GABBR2: variants seen among roughly 807,000 people sequenced by gnomAD.
GABBR2 encodes the protein G-protein coupled receptor 51.
Under a neutral mutation model 105.6 loss-of-function variants are expected in GABBR2, and 23 were observed. The observed-to-expected ratio is 0.22, with a 90% CI of 0.16 to 0.31. GABBR2 has a LOEUF of 0.31. GABBR2 is among the 10% of genes least tolerant of loss of function. The pLI is 1.00. For synonymous variants in GABBR2, 478 were observed against 499.7 expected (o/e 0.96, Z 0.58); for missense variants, 734 against 1,245.5 (o/e 0.59, Z 6.18).
intron 9 of GABBR2, among the ~76,000 whole-genome samples, chr9:98,390,398 A>C (rs1832159124): frequency 6.7e-6 from 1 of 149,994 alleles, no homozygotes; most frequent in African/African-American, 2.5e-5. Context: ...AAAAAAAAAA[A>C]AAAATAGAGA....
chr9:98,483,630 T>G (rs2131646853), intron 4 of GABBR2, among the ~76,000 whole-genome samples: 1 of 152,326 alleles, frequency 6.6e-6, no homozygotes, highest in African/African-American at 2.4e-5. Flanking sequence ...ATTCATTCAT[T>G]TATTCATATT....
intron 7 of GABBR2, among the ~76,000 whole-genome samples, chr9:98,451,150 G>C (rs1826222640): frequency 6.6e-6 from 1 of 152,140 alleles, no homozygotes; most frequent in Non-Finnish European, 1.5e-5. Context: ...TGGGTGTTCT[G>C]TCCAGCATTT....
At chr9:98,555,538 T>C (rs940579339) in intron 2 of GABBR2, 2 of 152,330 alleles carry the variant, frequency 1.3e-5, no homozygotes, top group African/African-American at 4.8e-5. Context: ...CAAATTACAT[T>C]AGAAGCCTCT....
At position 98,586,588 on chromosome 9, in the gene GABBR2, C is replaced by T. The variant is rs368664153; in HGVS notation, c.322-8516G>A. Among the ~76,000 whole-genome samples, 15 of 152,342 alleles carry T rather than the reference C, an allele frequency of 9.8e-5. No homozygotes were observed. In the East Asian group the frequency reaches 1.5e-3, roughly 16 times the overall value. ...GTGCTGGGATTATAGAAGTGAGCCA[C>T]CGTGCCAGCCCCTTCTTTGCTTTTC... On this transcript the variant is annotated intron_variant, in intron 1 of 18. Transcript: ENST00000259455.
intron 15 of GABBR2, among the ~76,000 whole-genome samples, chr9:98,305,102 G>A (rs1830530649): frequency 1.3e-5 from 2 of 152,000 alleles, no homozygotes; most frequent in Admixed American, 1.3e-4. Context: ...ACTCACTTAG[G>A]TCAGGCTTCC....
chr9:98,393,333 A>C (rs1371829658), intron 9 of GABBR2, among the ~76,000 whole-genome samples: 1 of 150,760 alleles, frequency 6.6e-6, no homozygotes. Context: ...CCATCCAGGC[A>C]TCCACCCAAC....
chr9:98,345,442 C>T (rs1308144508), intron 13 of GABBR2, among the ~76,000 whole-genome samples: 1 of 152,164 alleles, frequency 6.6e-6, no homozygotes, highest in Non-Finnish European at 1.5e-5. Flanking sequence ...CAAAACTATT[C>T]AAAACTATTT....
intron 11 of GABBR2, among the ~76,000 whole-genome samples, chr9:98,380,410 A>G (rs1375836125): frequency 1.3e-5 from 2 of 152,184 alleles, no homozygotes; most frequent in Non-Finnish European, 2.9e-5. Flanking sequence ...CAGATCCACA[A>G]GGAAGGCAAG....
chr9:98,588,420 G>C (rs907115268), intron 1 of GABBR2, among the ~76,000 whole-genome samples: 5 of 152,308 alleles, frequency 3.3e-5, no homozygotes, highest in Admixed American at 6.5e-5. Context: ...GTTAAATTTA[G>C]AAACAAGAAT....
chr9:98,630,582 G>T (rs1457795766), intron 1 of GABBR2, among the ~76,000 whole-genome samples: 1 of 152,046 alleles, frequency 6.6e-6, no homozygotes, highest in Non-Finnish European at 1.5e-5. Flanking sequence ...GCAGCAAGAG[G>T]GTAGAGAAAT....
chr9:98,454,648 G>A lies in GABBR2; in HGVS notation c.1000-431C>T, dbSNP rs561297095. 2.6e-5 allele frequency among the ~76,000 whole-genome samples: 4 copies of A among 152,194 alleles called. No homozygotes were observed. Among genetic ancestry groups the A allele is most frequent in the South Asian group, 4.1e-4 (2 of 4,822 alleles). On this transcript the variant is annotated intron_variant, in intron 6 of 18. Coordinates refer to ENST00000259455, the MANE Select transcript of GABBR2 (RefSeq NM_005458.8). The surrounding 1 kb of genome is among the most constrained non-coding windows in gnomAD (Gnocchi z 4.6). ...CAAAAATATTCTCTATCTCCTCATC[G>A]TAATAAATACACCTTCCTAGGGATC...
chr9:98,405,986 A>G, intron 8 of GABBR2, 95 bp downstream of exon 8: 1 of 754,268 alleles, frequency 1.3e-6, no homozygotes, highest in Non-Finnish European at 2.3e-6. Context: ...CTGGAACATC[A>G]CACTTGCATT....
At chr9:98,459,475 C>T (rs1486634841) in intron 6 of GABBR2, among the ~76,000 whole-genome samples, 2 of 152,078 alleles carry the variant, frequency 1.3e-5, no homozygotes, top group Admixed American at 6.6e-5. Flanking sequence ...TTCAGCAGTC[C>T]CTCAGGGATA....
At chr9:98,482,327 G>A (rs979164462) in intron 4 of GABBR2, among the ~76,000 whole-genome samples, 1 of 152,182 alleles carries the variant, frequency 6.6e-6, no homozygotes, top group Non-Finnish European at 1.5e-5. Flanking sequence ...AAGCAAGAAT[G>A]GAAAGAAGAG....
intron 13 of GABBR2, among the ~76,000 whole-genome samples, chr9:98,357,683 A>AC (rs113630985): frequency 0.77 from 116,560 of 151,482 alleles, 44,961 homozygotes; most frequent in Admixed American, 0.81. Context: ...AACAACAACA[A>AC]AAAAAAAAAC....
At chr9:98,619,110 C>T (rs1437166970) in intron 1 of GABBR2, among the ~76,000 whole-genome samples, 1 of 152,022 alleles carries the variant, frequency 6.6e-6, no homozygotes, top group Non-Finnish European at 1.5e-5. Flanking sequence ...TATATATTTT[C>T]AATTTTGAGG....
intron 1 of GABBR2, chr9:98,707,610 A>C (rs1830914018): frequency 6.6e-6 from 1 of 152,438 alleles, no homozygotes; most frequent in Non-Finnish European, 1.5e-5. Flanking sequence ...CTGCTCTCCA[A>C]GTCTGTGCTC....
chr9:98,481,454 G>T (rs1458123201), intron 4 of GABBR2, among the ~76,000 whole-genome samples: 1 of 152,200 alleles, frequency 6.6e-6, no homozygotes, highest in Non-Finnish European at 1.5e-5. Context: ...CAAGACCCCA[G>T]CCAACCACAC....
intron 9 of GABBR2, among the ~76,000 whole-genome samples, chr9:98,389,525 T>C (rs1215019321): frequency 6.6e-6 from 1 of 152,242 alleles, no homozygotes; most frequent in African/African-American, 2.4e-5. Context: ...AATGTCATTG[T>C]GTTTTAAAAG....
Sources: allele counts gnomAD v4.1 joint callset (sites outside exome capture counted in the v4.1 genomes callset), GRCh38; gene constraint gnomAD v4.1.1; non-coding constraint Gnocchi (gnomAD v3.1); transcripts MANE v1.5; gene names NCBI Gene and HGNC (gene_info 2026-07-23, HGNC 2026-07-21).